Variants in GOSR1 observed in about 807,000 individuals in gnomAD.
GOSR1 encodes golgi SNAP receptor complex member 1.
GOSR1 carries 21 observed loss-of-function variants against 35.5 expected under a neutral mutation model. That is an observed-to-expected ratio of 0.59 (90% confidence interval 0.42 to 0.85). The LOEUF is 0.85. Ranked by LOEUF, GOSR1 falls within the 40% of genes least tolerant of loss-of-function variation. GOSR1 has a pLI of 0.00. For missense variants in GOSR1, 285 were observed against 309.6 expected (o/e 0.92, Z 0.60); for synonymous variants, 94 against 106.6 (o/e 0.88, Z 0.73).
intron 1 of GOSR1, chr17:30,479,441 G>A (rs540609932): frequency 1.4e-4 from 21 of 152,180 alleles, no homozygotes; most frequent in African/African-American, 5.1e-4. Context: ...ACTCATATTC[G>A]ACCTTGTTAG....
intron 6 of GOSR1, among the ~76,000 whole-genome samples, chr17:30,497,152 A>T (rs956764638): frequency 3.3e-5 from 5 of 152,130 alleles, no homozygotes; most frequent in Non-Finnish European, 7.3e-5. Context: ...AATCTCCGCT[A>T]CTCAGGAGGC....
intron 7 of GOSR1, among the ~76,000 whole-genome samples, chr17:30,513,006 C>T (rs1006589514): frequency 1.3e-5 from 2 of 151,872 alleles, no homozygotes; most frequent in Non-Finnish European, 2.9e-5. Context: ...AGTATTTTCC[C>T]TTGTTTCAAA....
chr17:30,490,215 T>A lies in GOSR1; in HGVS notation c.432T>A (p.Ile144=). ...TTATGGGATCAGTACGAAAAGATATTGAGTAAGTTACTTTTTATATTATTT... is the reference window on the plus strand; with the variant it reads ...TTATGGGATCAGTACGAAAAGATATAGAGTAAGTTACTTTTTATATTATTT... ...ENLMGSVRKD[I]ESYKSGSGVN... Residue 144 remains isoleucine, a splice_region_variant and synonymous_variant, in exon 5 of 9, where the codon ATT becomes ATA. Transcript: ENST00000451249. The A allele has an allele frequency of 7.2e-7, 1 of 1,384,342 alleles. No homozygotes were observed. The highest frequency in any genetic ancestry group is 2.3e-5 in the East Asian group (1 of 43,734). 85.8% of individuals were successfully genotyped at this position (1,384,342 alleles called of 1,614,324 possible).
chr17:30,523,569 G>A lies in GOSR1; in HGVS notation c.*1191G>A, dbSNP rs921506715. ...CCGGCCAGCCGCCCCGTCCGGGAGG[G>A]AGGTGGGGGGGATCAGCCCCCCGCC... On this transcript the variant is annotated 3_prime_UTR_variant, in exon 9 of 9. Transcript: ENST00000451249. 6 of 157,238 alleles carry A rather than the reference G, an allele frequency of 3.8e-5. No individual in the cohort carries two copies. The highest frequency in any genetic ancestry group is 1.5e-4 in the African/African-American group (6 of 40,816). The allele number at this position is 157,238 out of a possible 1,614,324, so 9.7% of individuals were successfully genotyped here. A position where few individuals can be genotyped will look rare whatever the true frequency, so the allele number is the denominator to read the frequency against.
intron 8 of GOSR1, 90 bp downstream of exon 8, chr17:30,520,111 T>C: frequency 1.3e-6 from 1 of 795,982 alleles, no homozygotes; most frequent in Non-Finnish European, 2.2e-6. Context: ...GTTGCCATCA[T>C]CAGTAGCAGT....
chr17:30,488,593 G>T (rs1411493021), intron 4 of GOSR1, among the ~76,000 whole-genome samples: 2 of 149,832 alleles, frequency 1.3e-5, no homozygotes, highest in Non-Finnish European at 3.0e-5. Flanking sequence ...GAGTGCTGTG[G>T]TATGATCTCA....
intron 6 of GOSR1, among the ~76,000 whole-genome samples, chr17:30,493,746 C>T (rs1966890625): frequency 6.6e-6 from 1 of 152,086 alleles, no homozygotes; most frequent in African/African-American, 2.4e-5. Flanking sequence ...TTTTACTCTT[C>T]AGTAGATTGC....
intron 7 of GOSR1, among the ~76,000 whole-genome samples, chr17:30,517,746 A>G (rs1967874305): frequency 6.6e-6 from 1 of 152,154 alleles, no homozygotes; most frequent in African/African-American, 2.4e-5. Context: ...GGGATGTTCA[A>G]CCTGTATATA....
At chr17:30,495,288 A>G (rs759425981) in intron 6 of GOSR1, 4 of 362,996 alleles carry the variant, frequency 1.1e-5, no homozygotes, top group Non-Finnish European at 2.2e-5. Flanking sequence ...TACCTCAAAC[A>G]TTGAAATGCC....
At chr17:30,487,627 A>C (rs1020832290) in intron 4 of GOSR1, among the ~76,000 whole-genome samples, 2 of 152,274 alleles carry the variant, frequency 1.3e-5, no homozygotes, top group African/African-American at 4.8e-5. Context: ...TGAAACATTT[A>C]TAACCCATTA....
chr17:30,503,463 CT>C (rs1451917419), intron 6 of GOSR1, among the ~76,000 whole-genome samples: 1 of 152,136 alleles, frequency 6.6e-6, no homozygotes, highest in Non-Finnish European at 1.5e-5. Context: ...TTATCAAGTA[CT>C]TGCTTAAAAA....
chr17:30,477,845 C>CT (rs1223356561), intron 1 of GOSR1: 1 of 985,054 alleles, frequency 1.0e-6, no homozygotes, highest in Non-Finnish European at 1.2e-6. Flanking sequence ...GCCCCGGAGA[C>CT]TGGAGGAGTC....
intron 2 of GOSR1, chr17:30,483,034 A>T (rs1346690572): frequency 6.6e-6 from 1 of 152,144 alleles, no homozygotes; most frequent in African/African-American, 2.4e-5. Flanking sequence ...TGTCTATTCT[A>T]AAGTGTCTTG....
chr17:30,486,290 G>T (rs1045553815), intron 4 of GOSR1, among the ~76,000 whole-genome samples: 1 of 152,048 alleles, frequency 6.6e-6, no homozygotes, highest in Non-Finnish European at 1.5e-5. Flanking sequence ...TCTGAGGTGG[G>T]CGGATCATTT....
rs368528749 is a variant in GOSR1, at chr17:30,484,278, G to A, written c.211G>A (p.Glu71Lys). Residue 71 changes from glutamate to lysine, a missense_variant, in exon 3 of 9, where the codon GAG becomes AAG. By Grantham distance (56) the Glu-to-Lys change is moderately conservative (BLOSUM62 1). Coordinates refer to ENST00000451249, the MANE Select transcript of GOSR1 (RefSeq NM_001007025.2). Reference sequence around the variant, plus strand: ...CAGAATGTTTGAGACAATGGCGATTGAGATTGAACAACTTTTGGCAAGGGT... The same window carrying A: ...CAGAATGTTTGAGACAATGGCGATTAAGATTGAACAACTTTTGGCAAGGGT... ...QDRMFETMAIEIEQLLARLTG... is the reference protein window; with the variant it reads ...QDRMFETMAIKIEQLLARLTG... The A allele has an allele frequency of 3.7e-6, 6 of 1,610,120 alleles. No individual in the cohort carries two copies. The African/African-American group carries it at 8.0e-5, about 22-fold the overall frequency.
intron 6 of GOSR1, among the ~76,000 whole-genome samples, chr17:30,500,188 G>C (rs1051282741): frequency 6.6e-6 from 1 of 152,048 alleles, no homozygotes; most frequent in Admixed American, 6.6e-5. Context: ...GATGAAATCT[G>C]GTTGATCAGT....
intron 6 of GOSR1, among the ~76,000 whole-genome samples, chr17:30,495,169 C>A (rs1349979854): frequency 8.7e-6 from 1 of 115,208 alleles, no homozygotes; most frequent in Non-Finnish European, 1.6e-5. Flanking sequence ...GCCTGTGTGA[C>A]AGAGCGAGAC....
chr17:30,522,507 G>A lies in GOSR1; in HGVS notation c.*129G>A. ...CAGCAGGATGAATGCAAGACTGACA[G>A]TGATGGACTCTGTGACATGGTCAGG... On this transcript the variant is annotated 3_prime_UTR_variant, in exon 9 of 9. Transcript: ENST00000451249. The A allele has an allele frequency of 1.6e-6, 1 of 608,568 alleles. No homozygotes were observed. Among genetic ancestry groups the A allele is most frequent in the Non-Finnish European group, 2.7e-6 (1 of 372,850 alleles). The allele number at this position is 608,568 out of a possible 1,614,324, so 37.7% of individuals were successfully genotyped here.
At position 30,526,525 on chromosome 17, in the gene GOSR1, G is replaced by C. The variant is rs956015045; in HGVS notation, c.*4147G>C. 2.6e-5 allele frequency: 4 copies of C among 152,490 alleles called. No individual in the cohort carries two copies. In the East Asian group the frequency reaches 7.7e-4, roughly 29 times the overall value. The allele number at this position is 152,490 out of a possible 1,614,324, so 9.4% of individuals were successfully genotyped here. A position where few individuals can be genotyped will look rare whatever the true frequency, so the allele number is the denominator to read the frequency against. On this transcript the variant is annotated 3_prime_UTR_variant, in exon 9 of 9. Coordinates refer to ENST00000451249, the MANE Select transcript of GOSR1 (RefSeq NM_001007025.2). ...ACCTGAGAGCTCACTTTAATATCAA[G>C]GTATTTGCATCCATTCCCACCCTGT...
Sources: gnomAD v4.1 joint callset for allele counts (sites outside exome capture counted in the v4.1 genomes callset) on GRCh38, gnomAD v4.1.1 for gene constraint, MANE v1.5 for transcripts, NCBI Gene and HGNC (gene_info 2026-07-23, HGNC 2026-07-21) for gene names.